The following RBFOX1 variants were observed in gnomAD, a reference collection of about 807,000 sequenced individuals.
RBFOX1 encodes RNA binding fox-1 homolog 1, also known as RNA binding protein fox-1 homolog 1.
Under a neutral mutation model 57.7 loss-of-function variants are expected in RBFOX1, and 8 were observed. That is an observed-to-expected ratio of 0.14 (90% CI 0.08 to 0.25). The LOEUF is 0.25. Ranked by LOEUF, RBFOX1 falls within the 10% of genes least tolerant of loss-of-function variation. The pLI, the probability that RBFOX1 is intolerant of heterozygous loss-of-function variation, is 1.00. For missense variants in RBFOX1, 611 were observed against 548.5 expected (o/e 1.11, Z -1.14); for synonymous variants, 326 against 222.4 (o/e 1.47, Z -4.15).
intron 4 of RBFOX1, among the ~76,000 whole-genome samples, chr16:7,147,492 C>G (rs1461536041): frequency 6.6e-6 from 1 of 151,988 alleles, no homozygotes; most frequent in East Asian, 1.9e-4. Context: ...CTCATAGTCT[C>G]CAGTGTCTTT....
chr16:5,996,317 G>A (rs761418511), intron 4 of RBFOX1, among the ~76,000 whole-genome samples: 10 of 152,120 alleles, frequency 6.6e-5, no homozygotes, highest in Non-Finnish European at 1.3e-4. Flanking sequence ...TCCACAGAAG[G>A]CATGCCTCTG....
At chr16:5,501,576 GTTTT>G (rs1348589235) in intron 2 of RBFOX1, among the ~76,000 whole-genome samples, 1 of 152,020 alleles carries the variant, frequency 6.6e-6, no homozygotes, top group East Asian at 1.9e-4. Context: ...TTGCAGTCTC[GTTTT>G]TCCCCTCTGT....
At chr16:7,475,907 C>A (rs191906090) in intron 4 of RBFOX1, among the ~76,000 whole-genome samples, 1 of 152,168 alleles carries the variant, frequency 6.6e-6, no homozygotes, top group Non-Finnish European at 1.5e-5. Context: ...AAGTTCACAT[C>A]ATGTCTGGCA....
At chr16:7,232,435 G>C (rs2093554157) in intron 4 of RBFOX1, among the ~76,000 whole-genome samples, 1 of 152,132 alleles carries the variant, frequency 6.6e-6, no homozygotes, top group African/African-American at 2.4e-5. Context: ...TAGGGGACCA[G>C]GTTCCTGGCA....
intron 4 of RBFOX1, among the ~76,000 whole-genome samples, chr16:5,942,355 C>T (rs1262490585): frequency 6.6e-6 from 1 of 152,130 alleles, no homozygotes; most frequent in African/African-American, 2.4e-5. Context: ...GCTGAGTCTG[C>T]TTCTGGGTGA....
intron 1 of RBFOX1, among the ~76,000 whole-genome samples, chr16:6,052,490 A>G (rs888011054): frequency 1.3e-5 from 2 of 152,152 alleles, no homozygotes; most frequent in Non-Finnish European, 2.9e-5. Flanking sequence ...GAACATAATT[A>G]TAATAATGCC....
At chr16:5,807,343 C>T (rs1488682131) in intron 3 of RBFOX1, among the ~76,000 whole-genome samples, 1 of 152,122 alleles carries the variant, frequency 6.6e-6, no homozygotes, top group East Asian at 1.9e-4. Flanking sequence ...CCTTCACAAT[C>T]TTGTGGCATC....
rs560258953 is a variant in RBFOX1 at position 5,482,262 on chromosome 16, A to ATGTGG, written c.258+15009_258+15013dup. Among the ~76,000 whole-genome samples, 406 of 152,288 alleles carry ATGTGG rather than the reference A, an allele frequency of 2.7e-3. 6 individuals are homozygous for ATGTGG. Among genetic ancestry groups the ATGTGG allele is most frequent in the African/African-American group, 9.4e-3 (389 of 41,576 alleles). On this transcript the variant is annotated intron_variant, in intron 2 of 2. Coordinates refer to the RBFOX1 transcript ENST00000585867. ...AGCCTTCTTATTTCTCCAGTTGCAG[A>ATGTGG]TGTGGATAACTCTCTTCATCAGTTT...
intron 3 of RBFOX1, among the ~76,000 whole-genome samples, chr16:7,047,728 T>C (rs1412617980): frequency 8.7e-6 from 1 of 115,002 alleles, no homozygotes; most frequent in Non-Finnish European, 1.7e-5. Flanking sequence ...TTTTTTTTTT[T>C]TTTTTTTTTT....
At chr16:6,078,581 A>G (rs2095947575) in intron 1 of RBFOX1, among the ~76,000 whole-genome samples, 1 of 152,156 alleles carries the variant, frequency 6.6e-6, no homozygotes, top group Non-Finnish European at 1.5e-5. Context: ...TGGGCAAGTT[A>G]GTTAACCTCT....
At chr16:5,935,252 CT>C (rs1159961089) in intron 4 of RBFOX1, among the ~76,000 whole-genome samples, 1 of 152,178 alleles carries the variant, frequency 6.6e-6, no homozygotes, top group Non-Finnish European at 1.5e-5. Context: ...CAGGAAGTAT[CT>C]GCCATTGAAA....
intron 14 of RBFOX1, among the ~76,000 whole-genome samples, chr16:7,700,609 A>T (rs141968629): frequency 1.2e-3 from 177 of 152,090 alleles, no homozygotes; most frequent in Middle Eastern, 7.1e-3. Flanking sequence ...GCAGGAGTAG[A>T]CAAACAAAGG....
At chr16:6,272,049 A>G (rs1020587118) in intron 1 of RBFOX1, among the ~76,000 whole-genome samples, 4 of 152,194 alleles carry the variant, frequency 2.6e-5, no homozygotes, top group African/African-American at 7.2e-5. Flanking sequence ...ACTGTAACAA[A>G]ATATTAACAA....
intron 3 of RBFOX1, among the ~76,000 whole-genome samples, chr16:6,974,642 G>GGAAA (rs2086396385): frequency 6.6e-6 from 1 of 152,018 alleles, no homozygotes; most frequent in African/African-American, 2.4e-5. Context: ...ACTGCACCTG[G>GGAAA]CCCATAAATC....
chr16:6,087,552 C>G (rs928960460), intron 1 of RBFOX1, among the ~76,000 whole-genome samples: 1 of 152,072 alleles, frequency 6.6e-6, no homozygotes, highest in Non-Finnish European at 1.5e-5. Context: ...TTTCTTCATG[C>G]TATAAATGTC....
intron 14 of RBFOX1, among the ~76,000 whole-genome samples, chr16:7,683,314 T>TCA (rs929400145): frequency 6.6e-6 from 1 of 151,012 alleles, no homozygotes; most frequent in African/African-American, 2.4e-5. Context: ...TTTATAGAAA[T>TCA]CACACACACA....
chr16:6,839,275 G>C (rs1007153747), intron 3 of RBFOX1, among the ~76,000 whole-genome samples: 1 of 152,142 alleles, frequency 6.6e-6, no homozygotes, highest in Non-Finnish European at 1.5e-5. Context: ...AAGAGCCACT[G>C]TGCCCGGCAC....
chr16:7,004,567 A>G (rs1479869444), intron 3 of RBFOX1, among the ~76,000 whole-genome samples: 1 of 152,196 alleles, frequency 6.6e-6, no homozygotes, highest in Non-Finnish European at 1.5e-5. Flanking sequence ...CTATGTATCT[A>G]AGGTTTATTA....
At chr16:5,943,683 T>A (rs2059327660) in intron 4 of RBFOX1, among the ~76,000 whole-genome samples, 1 of 152,156 alleles carries the variant, frequency 6.6e-6, no homozygotes, top group Non-Finnish European at 1.5e-5. Flanking sequence ...ATCTGAGAAT[T>A]CGAAGGAGGT....
Sources: gnomAD v4.1 joint callset for allele counts (sites outside exome capture counted in the v4.1 genomes callset) on GRCh38, gnomAD v4.1.1 for gene constraint, MANE v1.5 for transcripts, NCBI Gene and HGNC (gene_info 2026-07-23, HGNC 2026-07-21) for gene names.